The following CADPS variants were observed in gnomAD, a reference collection of about 807,000 sequenced individuals.
The protein encoded by CADPS is calcium dependent secretion activator.
Under a neutral mutation model 167.3 loss-of-function variants are expected in CADPS, and 57 were observed. That is an observed-to-expected ratio of 0.34 (90% confidence interval 0.28 to 0.42). The LOEUF (loss-of-function observed/expected upper bound fraction) is 0.42. CADPS is among the 20% of genes least tolerant of loss of function. CADPS has a pLI of 1.00. For synonymous variants in CADPS, 676 were observed against 635.3 expected (o/e 1.06, Z -0.96); for missense variants, 1,414 against 1,738.1 (o/e 0.81, Z 3.32).
intron 1 of CADPS, among the ~76,000 whole-genome samples, chr3:62,852,583 CAG>C (rs2078844348): frequency 1.3e-5 from 2 of 151,406 alleles, no homozygotes; most frequent in African/African-American, 2.4e-5. Flanking sequence ...TTACCCACAC[CAG>C]AGAGACTTAT....
At chr3:62,768,295 T>A (rs75525907) in intron 1 of CADPS, among the ~76,000 whole-genome samples, 3,483 of 152,272 alleles carry the variant, frequency 0.023, 65 homozygotes, top group South Asian at 0.061. Context: ...AACCAAGGCA[T>A]CTCACAGGAT....
At chr3:62,558,127 C>A (rs1245411971) in intron 9 of CADPS, among the ~76,000 whole-genome samples, 2 of 152,224 alleles carry the variant, frequency 1.3e-5, no homozygotes, top group Admixed American at 6.5e-5. Context: ...TTGAAGTCTT[C>A]TTCTTATCTC....
chr3:62,807,424 G>A (rs2094158884), intron 1 of CADPS, among the ~76,000 whole-genome samples: 1 of 151,932 alleles, frequency 6.6e-6, no homozygotes, highest in Non-Finnish European at 1.5e-5. Flanking sequence ...ATTACACCCA[G>A]CTAATTTTTG....
chr3:62,845,866 A>G lies in CADPS; in HGVS notation c.441+28723T>C, dbSNP rs1053501904. The stretch of plus-strand genomic sequence containing the variant: ...TTCCTGTGCTTTGATAGTTATATCT[A>G]GATGAGTGATATGGTTTCACTCTGT... On this transcript the variant is annotated intron_variant, in intron 1 of 29. Coordinates refer to ENST00000383710, the MANE Select transcript of CADPS (RefSeq NM_003716.4). Among the ~76,000 whole-genome samples the G allele has an allele frequency of 7.2e-5, 11 of 152,338 alleles. No individual in the cohort carries two copies. The South Asian group carries it at 1.5e-3, about 20-fold the overall frequency.
chr3:62,695,995 T>C (rs975943315), intron 3 of CADPS, among the ~76,000 whole-genome samples: 1 of 152,158 alleles, frequency 6.6e-6, no homozygotes, highest in Non-Finnish European at 1.5e-5. Context: ...AATTTGTATG[T>C]CTTTTCTTCG....
rs2083448410 is a variant in CADPS at position 62,875,244 on chromosome 3, G to A, written c.-215C>T. On this transcript the variant is annotated 5_prime_UTR_variant, in exon 1 of 30. Coordinates refer to ENST00000383710, the MANE Select transcript of CADPS (RefSeq NM_003716.4). ...ACCCAGAAGCGCGAAGGGAGGAGGG[G>A]AAGGGAGAGGTGCGTCCGTGGACTC... 2.3e-6 allele frequency: 1 copy of A among 428,714 alleles called. No individual in the cohort carries two copies. Among genetic ancestry groups the A allele is most frequent in the Admixed American group, 4.9e-5 (1 of 20,334 alleles). The allele number at this position is 428,714 out of a possible 1,614,324, so 26.6% of individuals were successfully genotyped here. A position where few individuals can be genotyped will look rare whatever the true frequency, so the allele number is the denominator to read the frequency against.
chr3:62,723,364 G>A (rs761862881), intron 3 of CADPS, among the ~76,000 whole-genome samples: 61 of 152,238 alleles, frequency 4.0e-4, no homozygotes, highest in Non-Finnish European at 6.8e-4. Flanking sequence ...CCAGTTCAGC[G>A]GACCCTGATG....
At chr3:62,772,228 C>G (rs116098710) in intron 1 of CADPS, among the ~76,000 whole-genome samples, 2,048 of 152,086 alleles carry the variant, frequency 0.013, 23 homozygotes, top group Middle Eastern at 0.034. Context: ...ATTTACTCAG[C>G]CTTTTGAAGG....
chr3:62,792,932 A>G (rs1219849317), intron 1 of CADPS, among the ~76,000 whole-genome samples: 1 of 152,152 alleles, frequency 6.6e-6, no homozygotes, highest in Non-Finnish European at 1.5e-5. Flanking sequence ...TTTTGGGAGA[A>G]GGTTTAAGGA....
intron 26 of CADPS, among the ~76,000 whole-genome samples, chr3:62,460,284 C>T (rs1434734375): frequency 2.0e-5 from 3 of 152,196 alleles, no homozygotes; most frequent in Non-Finnish European, 4.4e-5. Flanking sequence ...ACTACTACCA[C>T]AGTTGGTGCT....
At chr3:62,818,086 A>C (rs2094712944) in intron 1 of CADPS, among the ~76,000 whole-genome samples, 1 of 152,158 alleles carries the variant, frequency 6.6e-6, no homozygotes, top group Non-Finnish European at 1.5e-5. Flanking sequence ...GTGAGACAGA[A>C]ACCACCTACT....
intron 21 of CADPS, among the ~76,000 whole-genome samples, chr3:62,489,942 G>T (rs770870382): frequency 1.4e-4 from 22 of 152,110 alleles, no homozygotes; most frequent in South Asian, 6.2e-4. Flanking sequence ...GTTATAAACT[G>T]GAGAATAACA....
rs557879504 is a variant in CADPS, at chr3:62,863,323, T to G, written c.441+11266A>C. On this transcript the variant is annotated intron_variant, in intron 1 of 29. Transcript: ENST00000383710. ...TTATCTGCTTTTCCTCTTGGTTTCC[T>G]CTTCTGTAGGATTGGGATGATTAGC... is the stretch of plus-strand genomic sequence containing the variant. Among the ~76,000 whole-genome samples, 4 of 152,320 alleles carry G rather than the reference T, an allele frequency of 2.6e-5. No individual in the cohort carries two copies. In the East Asian group the frequency reaches 7.7e-4, roughly 29 times the overall value.
intron 3 of CADPS, among the ~76,000 whole-genome samples, chr3:62,730,872 T>C (rs2077640091): frequency 6.6e-6 from 1 of 152,256 alleles, no homozygotes; most frequent in Admixed American, 6.5e-5. Flanking sequence ...ATGTATGAGA[T>C]GGCCATTTGG....
chr3:62,441,447 C>T (rs1024778367), intron 27 of CADPS, among the ~76,000 whole-genome samples: 2 of 152,176 alleles, frequency 1.3e-5, no homozygotes, highest in Admixed American at 6.5e-5. Context: ...GTCAGCCCTA[C>T]TTATGAATGC....
chr3:62,675,666 G>T (rs923321859), intron 3 of CADPS, among the ~76,000 whole-genome samples: 2 of 152,028 alleles, frequency 1.3e-5, no homozygotes, highest in Non-Finnish European at 2.9e-5. Context: ...TGGCCCTAGG[G>T]TCTCGTAATC....
At chr3:62,841,404 G>A (rs1197236938) in intron 1 of CADPS, among the ~76,000 whole-genome samples, 1 of 152,132 alleles carries the variant, frequency 6.6e-6, no homozygotes, top group Non-Finnish European at 1.5e-5. Context: ...TGGCACTTGA[G>A]TCTGCAAAAT....
At chr3:62,728,113 C>T (rs1436313389) in intron 3 of CADPS, among the ~76,000 whole-genome samples, 1 of 151,410 alleles carries the variant, frequency 6.6e-6, no homozygotes, top group Non-Finnish European at 1.5e-5. Flanking sequence ...TGTCCCAGGT[C>T]AAACAGCTAA....
At chr3:62,656,554 T>G (rs1268167375) in intron 4 of CADPS, among the ~76,000 whole-genome samples, 1 of 152,192 alleles carries the variant, frequency 6.6e-6, no homozygotes, top group East Asian at 1.9e-4. Flanking sequence ...GGGTTCTCTC[T>G]GCATGGTGCA....
Sources: allele counts gnomAD v4.1 joint callset (sites outside exome capture counted in the v4.1 genomes callset), GRCh38; gene constraint gnomAD v4.1.1; transcripts MANE v1.5; gene names NCBI Gene and HGNC (gene_info 2026-07-23, HGNC 2026-07-21).